TMA16: variants seen among roughly 807,000 people sequenced by gnomAD.
The protein encoded by TMA16 is translation machinery-associated protein 16.
In TMA16, 26 loss-of-function variants were observed where a neutral mutation model predicts 27.1. The ratio of observed to expected loss-of-function variants is 0.96; its 90% CI spans 0.70 to 1.33. TMA16 has a LOEUF of 1.33. Among genes scored for constraint, TMA16 ranks in the 40% most tolerant of loss-of-function variants. The pLI is 0.00. For missense variants in TMA16, 233 were observed against 241.4 expected (o/e 0.97, Z 0.23); for synonymous variants, 71 against 81.9 (o/e 0.87, Z 0.72).
chr4:163,508,065 CA>C (rs1388664463), intron 2 of TMA16, among the ~76,000 whole-genome samples: 2 of 151,778 alleles, frequency 1.3e-5, no homozygotes, highest in African/African-American at 2.4e-5. Context: ...TTTTTTTCAA[CA>C]TAAAGATTTA....
rs1481293584 is a variant in TMA16, at chr4:163,494,758, G to T, written c.-44G>T. 1 of 1,613,094 alleles carries T rather than the reference G, an allele frequency of 6.2e-7. No homozygotes were observed. Among genetic ancestry groups the T allele is most frequent in the Non-Finnish European group, 8.5e-7 (1 of 1,179,968 alleles). The stretch of plus-strand genomic sequence containing the variant: ...GCTCCTGCGGTTGGTGAGATTACCT[G>T]GGTCTAGAGTGCGGAGCTGCTCCGT... On this transcript the variant is annotated 5_prime_UTR_variant, in exon 1 of 7. Transcript: ENST00000358572.
At position 163,520,136 on chromosome 4, in the gene TMA16, A is replaced by T; in HGVS notation, c.*622A>T. 1 of 440,544 alleles carries T rather than the reference A, an allele frequency of 2.3e-6. No homozygotes were observed. The highest frequency in any genetic ancestry group is 4.0e-6 in the Non-Finnish European group (1 of 250,346). 27.3% of individuals were successfully genotyped at this position (440,544 alleles called of 1,614,324 possible). ...TAATTTATCTTTTGACAAAGGGGAT[A>T]AAGAGTTTCAGTTTAGCTCCTTTTG... On this transcript the variant is annotated 3_prime_UTR_variant, in exon 7 of 7. Transcript: ENST00000358572.
chr4:163,509,431 T>G (rs555285290), intron 2 of TMA16, among the ~76,000 whole-genome samples: 34 of 152,326 alleles, frequency 2.2e-4, no homozygotes, highest in African/African-American at 7.2e-4. Flanking sequence ...GAAATTCTGC[T>G]ACAATTTAGC....
At chr4:163,508,526 T>C (rs1737748617) in intron 2 of TMA16, among the ~76,000 whole-genome samples, 2 of 152,204 alleles carry the variant, frequency 1.3e-5, no homozygotes, top group South Asian at 4.1e-4. Flanking sequence ...ACATAACTTT[T>C]GTATATGTTT....
intron 1 of TMA16, among the ~76,000 whole-genome samples, chr4:163,503,147 G>A (rs751084699): frequency 5.9e-5 from 9 of 152,102 alleles, no homozygotes; most frequent in Non-Finnish European, 1.0e-4. Flanking sequence ...ATCCAGGTTT[G>A]TGTAAGTACA....
At chr4:163,512,921 G>C in intron 3 of TMA16, 62 bp downstream of exon 3, 1 of 1,307,602 alleles carries the variant, frequency 7.6e-7, no homozygotes, top group Non-Finnish European at 1.1e-6. Flanking sequence ...CCCTATACTT[G>C]TTTTTCTTTT....
At position 163,519,470 on chromosome 4, in the gene TMA16, G is replaced by T; in HGVS notation, c.568G>T (p.Asp190Tyr). Reference protein sequence around the residue: ...DQDLGELELNDESSDSDEEMT... With the variant: ...DQDLGELELNYESSDSDEEMT... The stretch of plus-strand genomic sequence containing the variant: ...AGATTTGGGGGAATTGGAACTAAAC[G>T]ATGAATCAAGTGATTCAGATGAGGA... Residue 190 changes from aspartate (D) to tyrosine (Y), a missense_variant, in exon 7 of 7, where the codon GAT (aspartate) becomes TAT (tyrosine). By Grantham distance (160) the Asp-to-Tyr change is radical (BLOSUM62 -3). Coordinates refer to ENST00000358572, the MANE Select transcript of TMA16 (RefSeq NM_018352.3). 6.2e-7 allele frequency: 1 copy of T among 1,603,284 alleles called. No homozygotes were observed. Among genetic ancestry groups the T allele is most frequent in the Non-Finnish European group, 8.5e-7 (1 of 1,176,398 alleles).
intron 1 of TMA16, among the ~76,000 whole-genome samples, chr4:163,496,537 A>G (rs928221493): frequency 1.3e-5 from 2 of 152,116 alleles, no homozygotes; most frequent in Non-Finnish European, 2.9e-5. Context: ...AATCTTTTCA[A>G]ATTAATCCAT....
At chr4:163,516,202 C>G (rs923544919) in intron 5 of TMA16, 1 of 152,278 alleles carries the variant, frequency 6.6e-6, no homozygotes, top group African/African-American at 2.4e-5. Flanking sequence ...GACTAAAACT[C>G]AGATCTGCTG....
intron 5 of TMA16, chr4:163,515,702 C>G (rs1737866507): frequency 5.3e-6 from 2 of 377,952 alleles, no homozygotes; most frequent in Non-Finnish European, 4.8e-6. Flanking sequence ...GATAGTAATA[C>G]TGATTACTTT....
chr4:163,507,050 A>G lies in TMA16; in HGVS notation c.21A>G (p.Gly7=), dbSNP rs753210999. The change falls in exon 2 of 7, where the codon GGA becomes GGG. Residue 7 remains glycine, a synonymous_variant. Coordinates refer to ENST00000358572, the MANE Select transcript of TMA16 (RefSeq NM_018352.3). ...CATTTTAGCCCAAAGCACCAAAGGG[A>G]AAAAGTGCAGGACGGGAAAAAAAAG... is the stretch of plus-strand genomic sequence containing the variant. The part of the protein sequence containing the change: MPKAPK[G]KSAGREKKVI... 18 of 1,589,956 alleles carry G rather than the reference A, an allele frequency of 1.1e-5. No individual in the cohort carries two copies. Among genetic ancestry groups the G allele is most frequent in the Non-Finnish European group, 1.5e-5 (18 of 1,167,394 alleles).
Position 163,506,226 on chromosome 4 carries a change from A to G in TMA16, c.4-807A>G, listed in dbSNP as rs530931535. Among the ~76,000 whole-genome samples, 18 of 152,316 alleles carry G rather than the reference A, an allele frequency of 1.2e-4. 1 individual carries two copies. In the South Asian group the frequency reaches 3.5e-3, roughly 30 times the overall value. On this transcript the variant is annotated intron_variant, in intron 1 of 6. Coordinates refer to ENST00000358572, the MANE Select transcript of TMA16 (RefSeq NM_018352.3). ...TAGATAGGAGGTATAGCCTGAGGCT[A>G]GTAGACAAAAAAATGGAAGGATCCT...
chr4:163,514,019 A>C (rs1737836674), intron 3 of TMA16, 55 bp from the exon 4 acceptor site: 1 of 1,320,792 alleles, frequency 7.6e-7, no homozygotes, highest in Non-Finnish European at 1.0e-6. Context: ...ATGAATATTT[A>C]CTTGCTTAAA....
chr4:163,518,402 C>T (rs1737917974), intron 6 of TMA16, among the ~76,000 whole-genome samples: 1 of 152,248 alleles, frequency 6.6e-6, no homozygotes, highest in Non-Finnish European at 1.5e-5. Flanking sequence ...AATTTCTGCA[C>T]AGCAGGATAA....
intron 6 of TMA16, among the ~76,000 whole-genome samples, chr4:163,519,079 T>G (rs1029258533): frequency 5.9e-5 from 9 of 152,142 alleles, no homozygotes; most frequent in Non-Finnish European, 2.9e-5. Context: ...TTTGGAGATT[T>G]GTCAGGTATG....
chr4:163,515,033 G>C (rs1737853985), intron 4 of TMA16, among the ~76,000 whole-genome samples: 1 of 152,114 alleles, frequency 6.6e-6, no homozygotes, highest in Non-Finnish European at 1.5e-5. Context: ...GTTCAGTTTT[G>C]ATGTGCTAAC....
At chr4:163,495,930 C>G (rs2110783364) in intron 1 of TMA16, among the ~76,000 whole-genome samples, 1 of 152,154 alleles carries the variant, frequency 6.6e-6, no homozygotes, top group East Asian at 1.9e-4. Context: ...GTTTTTTTCC[C>G]CTTTTCAGAG....
intron 5 of TMA16, among the ~76,000 whole-genome samples, chr4:163,516,409 A>G (rs998695986): frequency 6.6e-6 from 1 of 152,164 alleles, no homozygotes; most frequent in Non-Finnish European, 1.5e-5. Flanking sequence ...TTCCTTTACA[A>G]ATTGTTTTTG....
rs529214294 is a variant in TMA16 at position 163,519,894 on chromosome 4, G to C, written c.*380G>C. 1.6e-4 allele frequency: 85 copies of C among 537,602 alleles called. No individual in the cohort carries two copies. Among genetic ancestry groups the C allele is most frequent in the South Asian group, 1.1e-3 (58 of 51,074 alleles). The allele number at this position is 537,602 out of a possible 1,614,324, so 33.3% of individuals were successfully genotyped here. On this transcript the variant is annotated 3_prime_UTR_variant, in exon 7 of 7. Coordinates refer to ENST00000358572, the MANE Select transcript of TMA16 (RefSeq NM_018352.3). ...TGAAAGATTCCTGTGGGTACTTTTT[G>C]AGCTGTGATAATAGCAAAATTGTTT... is the stretch of plus-strand genomic sequence containing the variant.
Sources: allele counts gnomAD v4.1 joint callset (sites outside exome capture counted in the v4.1 genomes callset), GRCh38; gene constraint gnomAD v4.1.1; transcripts MANE v1.5; gene names NCBI Gene and HGNC (gene_info 2026-07-23, HGNC 2026-07-21).